The following ESR2 variants were observed in gnomAD, a reference collection of about 807,000 sequenced individuals.
ESR2 encodes the protein estrogen receptor 2.
ESR2 carries 36 observed loss-of-function variants against 49.6 expected under a neutral mutation model. The observed-to-expected ratio is 0.73, with a 90% CI of 0.56 to 0.96. The LOEUF (loss-of-function observed/expected upper bound fraction) is 0.96. ESR2 is among the 40% of genes least tolerant of loss of function. The pLI is 0.00. For synonymous variants in ESR2, 320 were observed against 266.1 expected, an observed-to-expected ratio of 1.20 and a Z score of -1.97; for missense variants, 714 against 693.0, an observed-to-expected ratio of 1.03 and a Z score of -0.34.
chr14:64,292,623 T>C lies in ESR2; in HGVS notation c.-91+1410A>G, dbSNP rs139685804. ...TAAACACTTTGAGTTCAGCCTTCAG[T>C]ATTTTATATTTTATCCATATTTATA... On this transcript the variant is annotated intron_variant, in intron 1 of 8. Transcript: ENST00000341099. 1.4e-3 allele frequency among the ~76,000 whole-genome samples: 216 copies of C among 152,352 alleles called. 2 individuals carry two copies. Among genetic ancestry groups the C allele is most frequent in the African/African-American group, 4.8e-3 (199 of 41,590 alleles).
At chr14:64,335,969 T>TA (rs2077525156) in intron 1 of ESR2, 1 of 136,486 alleles carries the variant, frequency 7.3e-6, no homozygotes. Context: ...CACGCCCAGC[T>TA]AATTTGTGTG....
chr14:64,233,269 C>T lies in ESR2; in HGVS notation c.1461G>A (p.Val487=), dbSNP rs772039917. 9 of 1,614,196 alleles carry T rather than the reference C, an allele frequency of 5.6e-6. No individual in the cohort carries two copies. Among genetic ancestry groups the T allele is most frequent in the Non-Finnish European group, 7.6e-6 (9 of 1,180,018 alleles). ...TCAGCATCTCCAGCAGCAGGTCATA[C>T]ACTGGGACCACATTTTTGCACTTCA... The part of the protein sequence containing the change: ...LNMKCKNVVP[V]YDLLLEMLNA... The change falls in exon 9 of 9, where the codon GTG becomes GTA. Residue 487 remains valine (V), a synonymous_variant. Transcript: ENST00000341099.
intron 1 of ESR2, among the ~76,000 whole-genome samples, chr14:64,323,946 C>T (rs762303647): frequency 5.3e-5 from 8 of 152,226 alleles, no homozygotes; most frequent in Non-Finnish European, 1.2e-4. Flanking sequence ...CCCACCTCAG[C>T]CTCCCAAAGT....
In ESR2 at chr14:64,228,526, T is replaced by C. The variant is rs2098724462; in HGVS notation, c.*4611A>G. ...AAATGAAGTCAACAAATTAGTGTAA[T>C]GATACAAAGCATTCGTCTGAGAAAA... On this transcript the variant is annotated 3_prime_UTR_variant, in exon 9 of 9. Transcript: ENST00000341099. Among the ~76,000 whole-genome samples the C allele has an allele frequency of 6.6e-6, 1 of 152,144 alleles. No individual in the cohort carries two copies. Among genetic ancestry groups the C allele is most frequent in the Non-Finnish European group, 1.5e-5 (1 of 68,030 alleles).
chr14:64,297,977 G>A (rs1481742577), upstream of ESR2, among the ~76,000 whole-genome samples: 1 of 152,150 alleles, frequency 6.6e-6, no homozygotes, highest in Non-Finnish European at 1.5e-5. Context: ...TACACTTATG[G>A]AATTAATAAA....
At chr14:64,310,286 AAATAATAAT>A (rs140862502) in intron 1 of ESR2, among the ~76,000 whole-genome samples, 59 of 142,462 alleles carry the variant, frequency 4.1e-4, no homozygotes, top group East Asian at 1.3e-3. Context: ...TCGTCTCAAA[AAATAATAAT>A]AATAATAATA....
chr14:64,310,297 AT>A (rs1332415334), intron 1 of ESR2, among the ~76,000 whole-genome samples: 1 of 148,828 alleles, frequency 6.7e-6, no homozygotes, highest in African/African-American at 2.5e-5. Flanking sequence ...AATAATAATA[AT>A]AATAATAATA....
At chr14:64,285,105 T>C (rs1426965222) in intron 1 of ESR2, among the ~76,000 whole-genome samples, 1 of 152,152 alleles carries the variant, frequency 6.6e-6, no homozygotes, top group Non-Finnish European at 1.5e-5. Flanking sequence ...CGCCTCGGCC[T>C]CCCAAAGTGC....
intron 1 of ESR2, among the ~76,000 whole-genome samples, chr14:64,287,093 C>T (rs1420473678): frequency 6.6e-6 from 1 of 151,078 alleles, no homozygotes. Context: ...TTAGCCATTT[C>T]TAAGTATAAA....
intron 7 of ESR2, among the ~76,000 whole-genome samples, chr14:64,248,337 T>A (rs1193475370): frequency 3.3e-5 from 5 of 151,710 alleles, no homozygotes; most frequent in Non-Finnish European, 7.4e-5. Context: ...AGATTCTGTC[T>A]CTACAAAAAA....
chr14:64,271,915 T>C (rs1042230232), intron 3 of ESR2, among the ~76,000 whole-genome samples: 1 of 152,242 alleles, frequency 6.6e-6, no homozygotes, highest in African/African-American at 2.4e-5. Context: ...TTTGGGTGCA[T>C]ACCCAGCAGT....
intron 1 of ESR2, among the ~76,000 whole-genome samples, chr14:64,309,997 A>G (rs915064425): frequency 3.3e-5 from 5 of 152,228 alleles, no homozygotes; most frequent in Non-Finnish European, 7.4e-5. Flanking sequence ...GAGACAGGAG[A>G]ATGGCGTGAA....
At chr14:64,294,698 A>C (rs1474129476), upstream of ESR2, among the ~76,000 whole-genome samples, 1 of 152,234 alleles carries the variant, frequency 6.6e-6, no homozygotes, top group African/African-American at 2.4e-5. Flanking sequence ...TCACGTCCTC[A>C]GCCCCTGACT....
rs1377434839 is a variant in ESR2 at position 64,231,384 on chromosome 14, C to T, written c.*1753G>A. The T allele has an allele frequency of 6.6e-6, 1 of 152,136 alleles. No homozygotes were observed. Among genetic ancestry groups the T allele is most frequent in the East Asian group, 1.9e-4 (1 of 5,192 alleles). 9.4% of individuals were successfully genotyped at this position (152,136 alleles called of 1,614,324 possible). ...AAAGAAGCTGACACTAACACTGGTTCCCTGGTTCCTATGAAACCAAGCTTA... is the reference window on the plus strand; with the variant it reads ...AAAGAAGCTGACACTAACACTGGTTTCCTGGTTCCTATGAAACCAAGCTTA... On this transcript the variant is annotated 3_prime_UTR_variant, in exon 9 of 9. Transcript: ENST00000341099.
rs2076574128 is a variant in ESR2, at chr14:64,277,268, A to G, written c.535+2713T>C. On this transcript the variant is annotated intron_variant, in intron 3 of 8. Coordinates refer to ENST00000341099, the MANE Select transcript of ESR2 (RefSeq NM_001437.3). ...TTTGTACAGTGAAGGGGACAGGTAC[A>G]TGACTAAGATATGGTCAATTAGCTT... is the stretch of plus-strand genomic sequence containing the variant. 1.1e-4 allele frequency among the ~76,000 whole-genome samples: 16 copies of G among 152,302 alleles called. No homozygotes were observed. The South Asian group carries it at 3.1e-3, about 30-fold the overall frequency.
chr14:64,239,596 T>A (rs1344802591), intron 7 of ESR2, among the ~76,000 whole-genome samples: 1 of 152,202 alleles, frequency 6.6e-6, no homozygotes, highest in Non-Finnish European at 1.5e-5. Context: ...AAGGGAGGAT[T>A]TGGGTGGCAA....
At chr14:64,274,335 C>T (rs551093516) in intron 3 of ESR2, among the ~76,000 whole-genome samples, 9 of 152,096 alleles carry the variant, frequency 5.9e-5, no homozygotes, top group Non-Finnish European at 1.0e-4. Context: ...TCAATCTTAA[C>T]AGTATGTATG....
intron 1 of ESR2, among the ~76,000 whole-genome samples, chr14:64,307,389 A>G (rs1409567313): frequency 6.7e-6 from 1 of 149,296 alleles, no homozygotes; most frequent in Non-Finnish European, 1.5e-5. Context: ...TTTTTTTTGT[A>G]TTTTTAGTAG....
intron 1 of ESR2, among the ~76,000 whole-genome samples, chr14:64,331,208 A>C (rs1461049155): frequency 6.6e-6 from 1 of 152,242 alleles, no homozygotes; most frequent in African/African-American, 2.4e-5. Context: ...AAGAAATATT[A>C]TCTAGCTATG....
Sources: gnomAD v4.1 joint callset for allele counts (sites outside exome capture counted in the v4.1 genomes callset) on GRCh38, gnomAD v4.1.1 for gene constraint, MANE v1.5 for transcripts, NCBI Gene and HGNC (gene_info 2026-07-23, HGNC 2026-07-21) for gene names.